KRT71: variants seen among roughly 807,000 people sequenced by gnomAD.
The protein encoded by KRT71 is keratin 71.
Under a neutral mutation model 46.2 loss-of-function variants are expected in KRT71, and 42 were observed. The ratio of observed to expected loss-of-function variants is 0.91; its 90% CI spans 0.71 to 1.18. The LOEUF is 1.18. Ranked by LOEUF, KRT71 falls within the 50% of genes most tolerant of loss-of-function variation. The probability of loss-of-function intolerance (pLI) is 0.00; values close to 1 mark genes in which losing one functional copy is unlikely to be tolerated. For missense variants in KRT71, 708 were observed against 677.9 expected (o/e 1.04, Z -0.49); for synonymous variants, 292 against 277.8 (o/e 1.05, Z -0.51).
intron 6 of KRT71, among the ~76,000 whole-genome samples, 192 bp from the exon 7 acceptor site, chr12:52,546,698 T>C (rs745418878): frequency 6.6e-6 from 1 of 152,246 alleles, no homozygotes; most frequent in Non-Finnish European, 1.5e-5. Flanking sequence ...TTCCCTGTGT[T>C]GGATGTGTGG....
intron 7 of KRT71, 99 bp downstream of exon 7, chr12:52,546,187 C>T: frequency 4.6e-6 from 6 of 1,309,850 alleles, no homozygotes; most frequent in Non-Finnish European, 6.4e-6. Flanking sequence ...CCCATCACTT[C>T]CTAAGAACTC....
rs116635350 is a variant in KRT71 at position 52,547,287 on chromosome 12, G to A, written c.1104+570C>T. 7.3e-3 allele frequency among the ~76,000 whole-genome samples: 1,119 copies of A among 152,270 alleles called. 21 individuals are homozygous for A. The highest frequency in any genetic ancestry group is 0.025 in the African/African-American group (1,034 of 41,540). On this transcript the variant is annotated intron_variant, in intron 6 of 8. Coordinates refer to ENST00000267119, the MANE Select transcript of KRT71 (RefSeq NM_033448.3). ...GAAGTGCGATAGAAGAATAGGTGCC[G>A]CTGCCATTGCTATCGTATATGTACA... is the stretch of plus-strand genomic sequence containing the variant.
chr12:52,547,993 C>A lies in KRT71; in HGVS notation c.979-11G>T. ...CTGAAGCTCTTGGAACTGGGGACCC[C>A]AAAGCACAGAGTCATGAGTGTGTCG... is the stretch of plus-strand genomic sequence containing the variant. On this transcript the variant is annotated splice_polypyrimidine_tract_variant and intron_variant, in intron 5 of 8. Transcript: ENST00000267119. 1 of 1,584,842 alleles carries A rather than the reference C, an allele frequency of 6.3e-7. No individual in the cohort carries two copies. The highest frequency in any genetic ancestry group is 8.6e-7 in the Non-Finnish European group (1 of 1,161,556).
At chr12:52,549,411 A>G (rs557594047) in intron 2 of KRT71, 58 bp from the exon 3 acceptor site, 2 of 1,409,560 alleles carry the variant, frequency 1.4e-6, no homozygotes, top group Admixed American at 3.3e-5. Context: ...TTGCTTTCAC[A>G]GGGCAGCGTT....
At chr12:52,549,064 G>A (rs1238134247) in intron 3 of KRT71, among the ~76,000 whole-genome samples, 2 of 152,164 alleles carry the variant, frequency 1.3e-5, no homozygotes, top group South Asian at 2.1e-4. Flanking sequence ...ATTCTTCTCC[G>A]TGTTCAAACC....
Position 52,550,010 on chromosome 12 carries a change from G to T in KRT71, c.656+19C>A. The T allele has an allele frequency of 6.2e-7, 1 of 1,613,686 alleles. No individual in the cohort carries two copies. Among genetic ancestry groups the T allele is most frequent in the Non-Finnish European group, 8.5e-7 (1 of 1,179,622 alleles). ...GACAAGGGCAGTTGTCCAGTTACAG[G>T]GGGACTCCTCCTGCTCACCTCTTCT... On this transcript the variant is annotated intron_variant, in intron 2 of 8. Transcript: ENST00000267119.
chr12:52,545,584 A>G lies in KRT71; in HGVS notation c.1341T>C (p.Phe447=), dbSNP rs941602551. Residue 447 remains phenylalanine, a synonymous_variant, in exon 8 of 9, where the codon TTT becomes TTC. Coordinates refer to ENST00000267119, the MANE Select transcript of KRT71 (RefSeq NM_033448.3). ...ESEECRMSGE[F]PSPVSISIIS... ...ACTTACAGATGCTGACAGGGGAGGGAAATTCTCCTGACATCCTATTAAGGA... is the reference window on the plus strand; with the variant it reads ...ACTTACAGATGCTGACAGGGGAGGGGAATTCTCCTGACATCCTATTAAGGA... 9 of 1,555,802 alleles carry G rather than the reference A, an allele frequency of 5.8e-6. No homozygotes were observed. In the African/African-American group the frequency reaches 8.1e-5, roughly 14 times the overall value.
rs1456207113 is a variant in KRT71 at position 52,548,271 on chromosome 12, G to A, written c.859C>T (p.Leu287=). The change falls in exon 5 of 9, where the codon CTG becomes TTG. Residue 287 remains leucine, a synonymous_variant. Coordinates refer to ENST00000267119, the MANE Select transcript of KRT71 (RefSeq NM_033448.3). ...AGGTTCCGGTTGTTGTCCATGGACA[G>A]GATGACAGACATGTCACTGATGTGG... ...QSHISDMSVI[L]SMDNNRNLDL... The A allele has an allele frequency of 6.2e-7, 1 of 1,614,094 alleles. No homozygotes were observed. The highest frequency in any genetic ancestry group is 1.3e-5 in the African/African-American group (1 of 75,050).
At chr12:52,546,142 T>C (rs1939052920) in intron 7 of KRT71, 144 bp downstream of exon 7, 2 of 864,288 alleles carry the variant, frequency 2.3e-6, no homozygotes, top group Non-Finnish European at 3.5e-6. Context: ...CATGGTAGTA[T>C]TGTTAATTAC....
chr12:52,544,237 G>C lies in KRT71; in HGVS notation c.*295C>G. 2.0e-6 allele frequency: 1 copy of C among 498,380 alleles called. No individual in the cohort carries two copies. Among genetic ancestry groups the C allele is most frequent in the Non-Finnish European group, 3.7e-6 (1 of 273,254 alleles). 30.9% of individuals were successfully genotyped at this position (498,380 alleles called of 1,614,324 possible). A position where few individuals can be genotyped will look rare whatever the true frequency, so the allele number is the denominator to read the frequency against. Reference sequence around the variant, plus strand: ...AGAGTAGTTAGCGACTGCGCTAGAGGCCGGGCAGAGGAGGAAAGCTGGCAG... The same window carrying C: ...AGAGTAGTTAGCGACTGCGCTAGAGCCCGGGCAGAGGAGGAAAGCTGGCAG... On this transcript the variant is annotated 3_prime_UTR_variant, in exon 9 of 9. Coordinates refer to ENST00000267119, the MANE Select transcript of KRT71 (RefSeq NM_033448.3).
chr12:52,548,825 A>T (rs777832251), intron 3 of KRT71, 29 bp from the exon 4 acceptor site: 2 of 1,600,380 alleles, frequency 1.2e-6, no homozygotes, highest in African/African-American at 2.7e-5. Context: ...ATCCCCTGTC[A>T]CTGCTGGTAC....
rs1186087298 is a variant in KRT71, at chr12:52,550,133, G to A, written c.552C>T (p.Tyr184=). Residue 184 remains tyrosine (Y), a synonymous_variant, in exon 2 of 9, where the codon TAC becomes TAT. Coordinates refer to ENST00000267119, the MANE Select transcript of KRT71 (RefSeq NM_033448.3). The stretch of plus-strand genomic sequence containing the variant: ...CCAGCTGCTTCCGCAGGTTGCTGAT[G>A]TAGCCCTCGAGGATGGGCTCCAGGT... ...KNNLEPILEG[Y]ISNLRKQLET... 1.3e-5 allele frequency: 21 copies of A among 1,614,192 alleles called. No homozygotes were observed. The highest frequency in any genetic ancestry group is 1.5e-5 in the Non-Finnish European group (18 of 1,180,038).
chr12:52,549,449 G>A, intron 2 of KRT71, 96 bp from the exon 3 acceptor site: 1 of 1,034,434 alleles, frequency 9.7e-7, no homozygotes, highest in Non-Finnish European at 1.5e-6. Context: ...TCCATCAGAA[G>A]ATACAGGTGC....
rs1413672444 is a variant in KRT71 at position 52,544,099 on chromosome 12, T to A, written c.*433A>T. ...GTGGGGACTGGGCCACTCTTGGTTG[T>A]TTGTCCTTCAGTCCTCCTTTTCTTA... On this transcript the variant is annotated 3_prime_UTR_variant, in exon 9 of 9. Coordinates refer to ENST00000267119, the MANE Select transcript of KRT71 (RefSeq NM_033448.3). 1 of 190,872 alleles carries A rather than the reference T, an allele frequency of 5.2e-6. No homozygotes were observed. The highest frequency in any genetic ancestry group is 1.3e-4 in the East Asian group (1 of 7,826). The allele number at this position is 190,872 out of a possible 1,614,324, so 11.8% of individuals were successfully genotyped here.
At chr12:52,546,219 G>A (rs1358089889) in intron 7 of KRT71, 67 bp downstream of exon 7, 2 of 1,559,942 alleles carry the variant, frequency 1.3e-6, no homozygotes, top group Non-Finnish European at 8.8e-7. Flanking sequence ...ATTGAGATGT[G>A]TTAGGCTTTC....
chr12:52,544,340 C>T lies in KRT71; in HGVS notation c.*192G>A. 3.0e-6 allele frequency: 2 copies of T among 675,200 alleles called. No homozygotes were observed. Among genetic ancestry groups the T allele is most frequent in the Non-Finnish European group, 5.3e-6 (2 of 375,868 alleles). 41.8% of individuals were successfully genotyped at this position (675,200 alleles called of 1,614,324 possible). ...GGGTGTGTACAGGGAGGAATTTCACCAAGCTTGGTCATCCAGGCCTTCCCA... is the reference window on the plus strand; with the variant it reads ...GGGTGTGTACAGGGAGGAATTTCACTAAGCTTGGTCATCCAGGCCTTCCCA... On this transcript the variant is annotated 3_prime_UTR_variant, in exon 9 of 9. Transcript: ENST00000267119.
At position 52,549,297 on chromosome 12, in the gene KRT71, T is replaced by C. The variant is rs1367306843; in HGVS notation, c.713A>G (p.Lys238Arg). Reference protein sequence around the residue: ...TAAENEFVLLKKDVDAAYANK... With the variant: ...TAAENEFVLLRKDVDAAYANK... Reference sequence around the variant, plus strand: ...CAGGGCCTGCCTTCCCCTCACCTTCTTGAGCAGCACAAACTCGTTCTCTGC... The same window carrying C: ...CAGGGCCTGCCTTCCCCTCACCTTCCTGAGCAGCACAAACTCGTTCTCTGC... Residue 238 changes from lysine to arginine, a missense_variant, in exon 3 of 9, where the codon AAG (lysine) becomes AGG (arginine). Lys to Arg is a conservative substitution (Grantham distance 26). Coordinates refer to ENST00000267119, the MANE Select transcript of KRT71 (RefSeq NM_033448.3). The C allele has an allele frequency of 1.2e-6, 2 of 1,613,598 alleles. No homozygotes were observed.
In KRT71 at chr12:52,548,265, T is replaced by C. The variant is rs767976926; in HGVS notation, c.865A>G (p.Met289Val). The C allele has an allele frequency of 4.3e-6, 7 of 1,614,176 alleles. No homozygotes were observed. The highest frequency in any genetic ancestry group is 1.1e-5 in the South Asian group (1 of 91,080). ...AGGTCTAGGTTCCGGTTGTTGTCCA[T>C]GGACAGGATGACAGACATGTCACTG... Reference protein sequence around the residue: ...HISDMSVILSMDNNRNLDLDS... With the variant: ...HISDMSVILSVDNNRNLDLDS... Residue 289 changes from methionine (M) to valine (V), a missense_variant, in exon 5 of 9, where the codon ATG becomes GTG. Transcript: ENST00000267119.
intron 8 of KRT71, among the ~76,000 whole-genome samples, chr12:52,545,249 A>G (rs1302268485): frequency 6.6e-6 from 1 of 152,170 alleles, no homozygotes; most frequent in Non-Finnish European, 1.5e-5. Flanking sequence ...GCAGTTTGCA[A>G]ACCTGACTCC....
Sources: gnomAD v4.1 joint callset for allele counts (sites outside exome capture counted in the v4.1 genomes callset) on GRCh38, gnomAD v4.1.1 for gene constraint, MANE v1.5 for transcripts, NCBI Gene and HGNC (gene_info 2026-07-23, HGNC 2026-07-21) for gene names.